Variants in FANCA observed in about 807,000 individuals in gnomAD.
The protein encoded by FANCA is Fanconi anemia group A protein.
A neutral mutation model predicts 194.3 loss-of-function variants in FANCA; 236 were observed. That is an observed-to-expected ratio of 1.21 (90% CI 1.09 to 1.35). The LOEUF (loss-of-function observed/expected upper bound fraction) is 1.35. FANCA is among the 40% of genes most tolerant of loss of function. The pLI, the probability that FANCA is intolerant of heterozygous loss-of-function variation, is 0.00. For missense variants in FANCA, 2,628 were observed against 1,813.9 expected (o/e 1.45, Z -8.15); for synonymous variants, 1,014 against 715.8 (o/e 1.42, Z -6.65).
chr16:89,770,450 T>A, intron 24 of FANCA, 114 bp downstream of exon 24: 1 of 1,113,760 alleles, frequency 9.0e-7, no homozygotes, highest in Non-Finnish European at 1.3e-6. Context: ...AAACTCAGCA[T>A]CGCCGCATGC....
In FANCA at chr16:89,810,746, G is replaced by A. The variant is rs769389376; in HGVS notation, c.483C>T (p.Phe161=). The stretch of plus-strand genomic sequence containing the variant: ...ATTCTTGACAGAAGGAAAGACGGGA[G>A]AACATACTGTGTGCCAATAAATACT... ...FAQYLLAHSM[F]SRLSFCQELW... Residue 161 remains phenylalanine, a synonymous_variant, in exon 5 of 43, where the codon TTC becomes TTT. Coordinates refer to ENST00000389301, the MANE Select transcript of FANCA (RefSeq NM_000135.4). 1.9e-5 allele frequency: 31 copies of A among 1,612,872 alleles called. No homozygotes were observed. Among genetic ancestry groups the A allele is most frequent in the South Asian group, 9.9e-5 (9 of 91,054 alleles).
At chr16:89,807,711 A>C (rs1355027710) in intron 6 of FANCA, among the ~76,000 whole-genome samples, 2 of 151,338 alleles carry the variant, frequency 1.3e-5, no homozygotes, top group East Asian at 2.0e-4. Context: ...GGTGAAACCC[A>C]GTCTCTACTA....
rs772712346 is a variant in FANCA, at chr16:89,816,596, G to T, written c.20C>A (p.Pro7Gln). MSDSWV[P>Q]NSASGQDPGG... ...TGGGTCCTGGCCCGAGGCGGAGTTC[G>T]GGACCCACGAGTCGGACATGGCCTT... The change falls in exon 1 of 43, where the codon CCG becomes CAG. Residue 7 changes from proline to glutamine, a missense_variant. Transcript: ENST00000389301. 17 of 1,526,800 alleles carry T rather than the reference G, an allele frequency of 1.1e-5. No homozygotes were observed. In the South Asian group the frequency reaches 1.7e-4, roughly 15 times the overall value. The allele number at this position is 1,526,800 out of a possible 1,614,324, so 94.6% of individuals were successfully genotyped here. A position where few individuals can be genotyped will look rare whatever the true frequency, so the allele number is the denominator to read the frequency against.
At chr16:89,787,340 G>A (rs2143495369) in intron 14 of FANCA, among the ~76,000 whole-genome samples, 1 of 152,202 alleles carries the variant, frequency 6.6e-6, no homozygotes, top group African/African-American at 2.4e-5. Context: ...TGGCTAACCC[G>A]GTGAAACCCT....
At chr16:89,812,086 A>G (rs2040905320) in intron 3 of FANCA, among the ~76,000 whole-genome samples, 1 of 150,978 alleles carries the variant, frequency 6.6e-6, no homozygotes, top group Non-Finnish European at 1.5e-5. Context: ...CTGTAATCCC[A>G]GCACTTTGGG....
chr16:89,798,811 C>T, intron 10 of FANCA: 1 of 1,446,144 alleles, frequency 6.9e-7, no homozygotes, highest in Non-Finnish European at 9.1e-7. Flanking sequence ...GGCTGAGAGG[C>T]AGGGCCAGCT....
At chr16:89,757,870 G>A (rs772708493) in intron 30 of FANCA, among the ~76,000 whole-genome samples, 3 of 152,142 alleles carry the variant, frequency 2.0e-5, no homozygotes, top group East Asian at 1.9e-4. Context: ...GAAAAACAAC[G>A]TTGTTGCTAT....
chr16:89,798,701 G>A (rs1360115200), intron 10 of FANCA: 13 of 1,303,944 alleles, frequency 1.0e-5, no homozygotes, highest in African/African-American at 5.9e-5. Context: ...AAGCTAATAG[G>A]GCCAAGCTTT....
intron 31 of FANCA, among the ~76,000 whole-genome samples, chr16:89,750,645 C>T (rs865786861): frequency 5.3e-5 from 8 of 149,842 alleles, no homozygotes; most frequent in South Asian, 4.2e-4. Context: ...TGGTGGCAGG[C>T]GCCTGTAATC....
Position 89,742,902 on chromosome 16 carries a change from G to C in FANCA, c.3663C>G (p.Asn1221Lys). 6.2e-7 allele frequency: 1 copy of C among 1,614,158 alleles called. No individual in the cohort carries two copies. Among genetic ancestry groups the C allele is most frequent in the Non-Finnish European group, 8.5e-7 (1 of 1,180,012 alleles). Reference sequence around the variant, plus strand: ...GTGCAGCAGCTGAGAGCCAGTCCGGGTTGGGTGCTGGGGAGGCAGCCTCAG... The same window carrying C: ...GTGCAGCAGCTGAGAGCCAGTCCGGCTTGGGTGCTGGGGAGGCAGCCTCAG... ...LSPEAASPAP[N>K]PDWLSAAALH... Residue 1221 changes from asparagine (N) to lysine (K), a missense_variant, in exon 37 of 43, where the codon AAC (asparagine) becomes AAG (lysine). Coordinates refer to ENST00000389301, the MANE Select transcript of FANCA (RefSeq NM_000135.4).
At chr16:89,739,720 G>A (rs2062077150) in intron 39 of FANCA, 167 bp from the exon 40 acceptor site, 1 of 1,507,148 alleles carries the variant, frequency 6.6e-7, no homozygotes, top group African/African-American at 1.4e-5. Flanking sequence ...CAGCAGCTGG[G>A]AGAGGATGGG....
rs17232246 is a variant in FANCA, at chr16:89,808,348, G to T, written c.542C>A (p.Ala181Glu). The T allele has an allele frequency of 2.5e-6, 4 of 1,613,980 alleles. No homozygotes were observed. Among genetic ancestry groups the T allele is most frequent in the Non-Finnish European group, 3.4e-6 (4 of 1,180,000 alleles). ...WKIQSSLLLEAVWHLHVQGIV... is the reference protein window; with the variant it reads ...WKIQSSLLLEEVWHLHVQGIV... Reference sequence around the variant, plus strand: ...GCCTTGTACGTGAAGATGCCACACCGCTTCAAGCAACAAAGAACTCTGAAA... The same window carrying T: ...GCCTTGTACGTGAAGATGCCACACCTCTTCAAGCAACAAAGAACTCTGAAA... Residue 181 changes from alanine to glutamate, a missense_variant, in exon 6 of 43, where the codon GCG (alanine) becomes GAG (glutamate). Ala to Glu is a moderately radical substitution (Grantham distance 107, BLOSUM62 -1). Transcript: ENST00000389301.
At chr16:89,785,978 T>A (rs1422730430) in intron 14 of FANCA, among the ~76,000 whole-genome samples, 1 of 147,194 alleles carries the variant, frequency 6.8e-6, no homozygotes, top group Admixed American at 6.9e-5. Context: ...GCCTCCCTAG[T>A]AGCTGAGATT....
chr16:89,810,676 T>A, intron 5 of FANCA, 31 bp downstream of exon 5: 2 of 1,384,950 alleles, frequency 1.4e-6, no homozygotes, highest in Non-Finnish European at 2.1e-6. Context: ...CCTGGAACAC[T>A]GGAGAGTCAG....
intron 3 of FANCA, among the ~76,000 whole-genome samples, chr16:89,812,309 G>T (rs1177423794): frequency 6.6e-6 from 1 of 150,560 alleles, no homozygotes; most frequent in Non-Finnish European, 1.5e-5. Context: ...CTACACTGCA[G>T]TCTGGGCGAC....
intron 30 of FANCA, among the ~76,000 whole-genome samples, chr16:89,752,805 T>C (rs539004450): frequency 6.6e-6 from 1 of 152,130 alleles, no homozygotes; most frequent in Non-Finnish European, 1.5e-5. Flanking sequence ...AAGACGCCCG[T>C]CACCAAGCGG....
chr16:89,804,352 T>C (rs1352601118), intron 7 of FANCA, among the ~76,000 whole-genome samples: 2 of 152,110 alleles, frequency 1.3e-5, no homozygotes, highest in Non-Finnish European at 2.9e-5. Flanking sequence ...GAAAAGAGTC[T>C]CATCACTCAA....
intron 21 of FANCA, among the ~76,000 whole-genome samples, chr16:89,774,343 G>A (rs971979056): frequency 2.6e-5 from 4 of 151,996 alleles, no homozygotes; most frequent in Non-Finnish European, 4.4e-5. Flanking sequence ...GGGGGAAGGA[G>A]GACACCTCTC....
intron 20 of FANCA, among the ~76,000 whole-genome samples, chr16:89,777,715 A>G (rs537955745): frequency 6.6e-6 from 1 of 152,240 alleles, no homozygotes; most frequent in South Asian, 2.1e-4. Context: ...GAAACCTGCA[A>G]TGTAAGTGAT....
Sources: gnomAD v4.1 joint callset for allele counts (sites outside exome capture counted in the v4.1 genomes callset) on GRCh38, gnomAD v4.1.1 for gene constraint, MANE v1.5 for transcripts, NCBI Gene and HGNC (gene_info 2026-07-23, HGNC 2026-07-21) for gene names.